STRN: variants seen among roughly 807,000 people sequenced by gnomAD.
STRN encodes the protein striatin.
STRN carries 53 observed loss-of-function variants against 96.3 expected under a neutral mutation model. That is an observed-to-expected ratio of 0.55 (90% CI 0.44 to 0.69). The LOEUF is 0.69. Among genes scored for constraint, STRN ranks in the 30% least tolerant of loss-of-function variants. The pLI, the probability that STRN is intolerant of heterozygous loss-of-function variation, is 0.00. For synonymous variants in STRN, 428 were observed against 355.9 expected, an observed-to-expected ratio of 1.20 and a Z score of -2.28; for missense variants, 987 against 963.9, an observed-to-expected ratio of 1.02 and a Z score of -0.32.
At chr2:36,891,674 A>C (rs1369039802) in intron 7 of STRN, among the ~76,000 whole-genome samples, 3 of 152,252 alleles carry the variant, frequency 2.0e-5, no homozygotes, top group Non-Finnish European at 4.4e-5. Context: ...CAATATTTAC[A>C]GAGGAAGAAC....
chr2:36,934,950 A>G (rs555819569), intron 1 of STRN, among the ~76,000 whole-genome samples: 2 of 152,264 alleles, frequency 1.3e-5, no homozygotes, highest in South Asian at 4.1e-4. Context: ...TGGTGGCTCA[A>G]AACTGCAGCC....
intron 12 of STRN, among the ~76,000 whole-genome samples, chr2:36,865,284 T>C (rs1668592576): frequency 6.6e-6 from 1 of 152,252 alleles, no homozygotes; most frequent in South Asian, 2.1e-4. Context: ...TAACAGTTTC[T>C]GGCTGGTTTT....
chr2:36,853,431 C>G (rs1668268643), intron 15 of STRN, among the ~76,000 whole-genome samples: 1 of 152,032 alleles, frequency 6.6e-6, no homozygotes, highest in Non-Finnish European at 1.5e-5. Context: ...GCTTTGAGAG[C>G]TAGAAAATAA....
Position 36,927,718 on chromosome 2 carries a change from T to C in STRN, c.235-2510A>G, listed in dbSNP as rs560900001. Among the ~76,000 whole-genome samples, 6 of 152,292 alleles carry C rather than the reference T, an allele frequency of 3.9e-5. No homozygotes were observed. In the East Asian group the frequency reaches 9.6e-4, roughly 24 times the overall value. On this transcript the variant is annotated intron_variant, in intron 1 of 17. Transcript: ENST00000263918. The stretch of plus-strand genomic sequence containing the variant: ...ATCAGATTTCTTCTTTTCCATCAGA[T>C]GGATAAAGTTCAGTAATTTAATAAT...
intron 1 of STRN, among the ~76,000 whole-genome samples, chr2:36,965,393 C>T (rs1176080644): frequency 6.6e-6 from 1 of 152,244 alleles, no homozygotes; most frequent in African/African-American, 2.4e-5. Context: ...TCAGAGCCCA[C>T]AGTTATCTCC....
rs1031014778 is a variant in STRN at position 36,844,927 on chromosome 2, A to T, written c.*4529T>A. Reference sequence around the variant, plus strand: ...CTTGATACATTTCACAAAAATATACATATTTTTCGTCAGCTACTACTTTGT... The same window carrying T: ...CTTGATACATTTCACAAAAATATACTTATTTTTCGTCAGCTACTACTTTGT... On this transcript the variant is annotated 3_prime_UTR_variant, in exon 18 of 18. Coordinates refer to ENST00000263918, the MANE Select transcript of STRN (RefSeq NM_003162.4). 1 of 152,148 alleles carries T rather than the reference A, an allele frequency of 6.6e-6. No homozygotes were observed. Among genetic ancestry groups the T allele is most frequent in the African/African-American group, 2.4e-5 (1 of 41,440 alleles). 9.4% of individuals were successfully genotyped at this position (152,148 alleles called of 1,614,324 possible). A position where few individuals can be genotyped will look rare whatever the true frequency, so the allele number is the denominator to read the frequency against.
At chr2:36,882,855 C>T (rs1009597772) in intron 9 of STRN, among the ~76,000 whole-genome samples, 3 of 152,092 alleles carry the variant, frequency 2.0e-5, no homozygotes, top group African/African-American at 7.2e-5. Flanking sequence ...CCAGGCTCAG[C>T]CTAAATATGT....
chr2:36,954,607 A>G (rs948389748), intron 1 of STRN, among the ~76,000 whole-genome samples: 3 of 151,866 alleles, frequency 2.0e-5, no homozygotes, highest in Non-Finnish European at 2.9e-5. Context: ...ACAAAAAAAT[A>G]AAAGTATTTA....
At chr2:36,883,108 T>G (rs1376525267) in intron 9 of STRN, among the ~76,000 whole-genome samples, 1 of 152,180 alleles carries the variant, frequency 6.6e-6, no homozygotes, top group Non-Finnish European at 1.5e-5. Flanking sequence ...TTATACATGA[T>G]GTAGAATAAT....
intron 2 of STRN, among the ~76,000 whole-genome samples, chr2:36,920,222 AT>A (rs1158157927): frequency 1.3e-5 from 2 of 152,126 alleles, no homozygotes; most frequent in African/African-American, 4.8e-5. Context: ...TTCCTCAATA[AT>A]TTTTTTTAAA....
At chr2:36,867,933 TTG>T (rs1668671401) in intron 11 of STRN, 72 bp from the exon 12 acceptor site, 2 of 1,261,024 alleles carry the variant, frequency 1.6e-6, no homozygotes, top group Admixed American at 4.8e-5. Context: ...TGTCATAAAA[TTG>T]TCTTTAAAAA....
In STRN at chr2:36,884,081, CA is replaced by C. The variant is rs758783755; in HGVS notation, c.1043-7del. 1.1e-5 allele frequency: 13 copies of C among 1,222,242 alleles called. No homozygotes were observed. Among genetic ancestry groups the C allele is most frequent in the African/African-American group, 9.7e-5 (6 of 61,888 alleles). The allele number at this position is 1,222,242 out of a possible 1,614,324, so 75.7% of individuals were successfully genotyped here. On this transcript the variant is annotated splice_region_variant and splice_polypyrimidine_tract_variant and intron_variant, in intron 8 of 17. Transcript: ENST00000263918. The stretch of plus-strand genomic sequence containing the variant: ...TAGTTTTGACCTATTGGGCCCTAGC[CA>C]AAAAAAGGGGGGGTGGGAGGAGATA...
At chr2:36,900,822 G>A (rs1355301524) in intron 5 of STRN, among the ~76,000 whole-genome samples, 15 of 152,044 alleles carry the variant, frequency 9.9e-5, no homozygotes, top group Admixed American at 6.5e-4. Context: ...GAACCCGGGA[G>A]GCAGAGGTTG....
At position 36,920,829 on chromosome 2, in the gene STRN, C is replaced by T. The variant is rs115239755; in HGVS notation, c.338+4276G>A. 2.7e-3 allele frequency among the ~76,000 whole-genome samples: 417 copies of T among 152,106 alleles called. 1 individual carries two copies. The highest frequency in any genetic ancestry group is 9.7e-3 in the African/African-American group (401 of 41,494). ...CGGTGGCTCACGTCTGTGATCCCAACACTTTCGGAGGCCAAGGCGGGCGGA... is the reference window on the plus strand; with the variant it reads ...CGGTGGCTCACGTCTGTGATCCCAATACTTTCGGAGGCCAAGGCGGGCGGA... On this transcript the variant is annotated intron_variant, in intron 2 of 17. Coordinates refer to ENST00000263918, the MANE Select transcript of STRN (RefSeq NM_003162.4).
intron 3 of STRN, among the ~76,000 whole-genome samples, chr2:36,910,503 T>G (rs1669938696): frequency 6.6e-6 from 1 of 152,238 alleles, no homozygotes; most frequent in Admixed American, 6.5e-5. Flanking sequence ...GTTATTGTAC[T>G]ATCCATGAAG....
chr2:36,925,373 G>T (rs1027521026), intron 1 of STRN, among the ~76,000 whole-genome samples, 165 bp from the exon 2 acceptor site: 2 of 152,014 alleles, frequency 1.3e-5, no homozygotes, highest in Non-Finnish European at 2.9e-5. Flanking sequence ...ACTGCAAGGG[G>T]GAAAAAGGAT....
chr2:36,937,210 G>C (rs573518086), intron 1 of STRN, among the ~76,000 whole-genome samples: 1 of 151,966 alleles, frequency 6.6e-6, no homozygotes, highest in Non-Finnish European at 1.5e-5. Context: ...TGGGCGTGGT[G>C]GTGCATGCCT....
chr2:36,954,882 G>A (rs1419766918), intron 1 of STRN, among the ~76,000 whole-genome samples: 3 of 151,920 alleles, frequency 2.0e-5, no homozygotes, highest in African/African-American at 7.3e-5. Flanking sequence ...CAGGCAGTCC[G>A]CCAGCCTCAG....
intron 4 of STRN, among the ~76,000 whole-genome samples, chr2:36,904,568 T>C (rs1185474396): frequency 6.6e-6 from 1 of 152,184 alleles, no homozygotes; most frequent in African/African-American, 2.4e-5. Flanking sequence ...GGCTCACACC[T>C]GTAATCCCAG....
Sources: gnomAD v4.1 joint callset for allele counts (sites outside exome capture counted in the v4.1 genomes callset) on GRCh38, gnomAD v4.1.1 for gene constraint, MANE v1.5 for transcripts, NCBI Gene and HGNC (gene_info 2026-07-23, HGNC 2026-07-21) for gene names.